Variants in ATP2B2 observed in about 807,000 individuals in gnomAD.
ATP2B2 encodes ATPase plasma membrane Ca2+ transporting 2, also known as plasma membrane calcium-transporting ATPase 2.
A neutral mutation model predicts 120.0 loss-of-function variants in ATP2B2; 15 were observed. That is an observed-to-expected ratio of 0.12 (90% CI 0.08 to 0.19). ATP2B2 has a LOEUF of 0.19. Ranked by LOEUF, ATP2B2 falls within the 10% of genes least tolerant of loss-of-function variation. The pLI is 1.00. For missense variants in ATP2B2, 1,045 were observed against 1,719.8 expected, an observed-to-expected ratio of 0.61 and a Z score of 6.94; for synonymous variants, 694 against 700.3, an observed-to-expected ratio of 0.99 and a Z score of 0.14.
At chr3:10,529,354 C>A (rs2125470973) in intron 3 of ATP2B2, among the ~76,000 whole-genome samples, 1 of 152,356 alleles carries the variant, frequency 6.6e-6, no homozygotes, top group East Asian at 1.9e-4. Context: ...CTGCCTGTAA[C>A]CACCTTGAAA....
chr3:10,384,285 C>A (rs939884298), intron 8 of ATP2B2, among the ~76,000 whole-genome samples: 1 of 152,100 alleles, frequency 6.6e-6, no homozygotes, highest in Admixed American at 6.5e-5. Context: ...GGATGAGAAA[C>A]CCACAGCCCA....
At chr3:10,455,580 T>C (rs1305018760) in intron 1 of ATP2B2, among the ~76,000 whole-genome samples, 1 of 152,180 alleles carries the variant, frequency 6.6e-6, no homozygotes, top group Non-Finnish European at 1.5e-5. Context: ...CCTGCTCCCC[T>C]CCTCCTAGTT....
At chr3:10,345,642 T>A in intron 17 of ATP2B2, 67 bp from the exon 18 acceptor site, 1 of 1,466,780 alleles carries the variant, frequency 6.8e-7, no homozygotes, top group Non-Finnish European at 9.5e-7. Flanking sequence ...AGCATCACCA[T>A]CCTCACTCCC....
chr3:10,545,346 A>G (rs1436091260), intron 2 of ATP2B2, among the ~76,000 whole-genome samples: 3 of 152,172 alleles, frequency 2.0e-5, no homozygotes, highest in Admixed American at 6.5e-5. Context: ...CCTGGCCAAC[A>G]TGGGGAAACT....
intron 1 of ATP2B2, among the ~76,000 whole-genome samples, chr3:10,683,848 A>G (rs1156830975): frequency 1.4e-5 from 2 of 141,418 alleles, no homozygotes; most frequent in Admixed American, 7.3e-5. Flanking sequence ...GCTGGAGTGC[A>G]GTGGCATGAT....
chr3:10,566,214 G>A (rs949861935), intron 2 of ATP2B2: 1 of 152,160 alleles, frequency 6.6e-6, no homozygotes, highest in African/African-American at 2.4e-5. Context: ...CCACTAGTTA[G>A]TGGGGAAACC....
At chr3:10,412,722 T>C (rs11712897) in intron 2 of ATP2B2, among the ~76,000 whole-genome samples, 52,560 of 152,072 alleles carry the variant, frequency 0.35, 11,462 homozygotes, top group African/African-American at 0.6. Flanking sequence ...CTGATTCCTG[T>C]CCCTCAGGGC....
rs149740945 is a variant in ATP2B2 at position 10,347,966 on chromosome 3, T to G, written c.2405-1829A>C. 2.8e-3 allele frequency among the ~76,000 whole-genome samples: 432 copies of G among 152,056 alleles called. 2 individuals carry two copies. The highest frequency in any genetic ancestry group is 9.9e-3 in the African/African-American group (412 of 41,462). On this transcript the variant is annotated intron_variant, in intron 16 of 22. Transcript: ENST00000360273. This position sits in a 1 kb window ranked among gnomAD's most constrained non-coding sequence, Gnocchi z 5.2. ...CCTCCACAGGCCTCCTTCCTTGTCT[T>G]CCCGGCACCACTCCCCACTGACCAT...
intron 2 of ATP2B2, among the ~76,000 whole-genome samples, chr3:10,442,303 C>T (rs986377697): frequency 9.9e-5 from 15 of 152,112 alleles, no homozygotes; most frequent in African/African-American, 2.9e-4. Context: ...CAAGCAGCAT[C>T]GCTCACGGGA....
chr3:10,338,814 G>A (rs2060199864), intron 21 of ATP2B2: 3 of 224,520 alleles, frequency 1.3e-5, no homozygotes, highest in Admixed American at 5.3e-5. Context: ...CGTCCTGCAT[G>A]AGCCTGGCCC....
intron 1 of ATP2B2, among the ~76,000 whole-genome samples, chr3:10,485,021 C>A (rs372421893): frequency 6.6e-6 from 1 of 152,248 alleles, no homozygotes; most frequent in South Asian, 2.1e-4. Flanking sequence ...ACGCAGACCC[C>A]CTCTGTGAAA....
chr3:10,606,386 G>GC (rs1382387938), intron 2 of ATP2B2, among the ~76,000 whole-genome samples: 1 of 152,178 alleles, frequency 6.6e-6, no homozygotes, highest in Admixed American at 6.5e-5. Flanking sequence ...ATGACTCTTA[G>GC]CAGAGTCCTT....
intron 2 of ATP2B2, among the ~76,000 whole-genome samples, chr3:10,576,889 C>T (rs1188619784): frequency 6.6e-6 from 1 of 151,748 alleles, no homozygotes; most frequent in Non-Finnish European, 1.5e-5. Flanking sequence ...ATGGTGAAAC[C>T]CCGTCTCTAC....
chr3:10,454,413 C>G (rs967063010), intron 1 of ATP2B2, among the ~76,000 whole-genome samples: 26 of 152,194 alleles, frequency 1.7e-4, no homozygotes, highest in African/African-American at 6.3e-4. Context: ...AGAAGGAAAA[C>G]AGTGTGAGCC....
intron 1 of ATP2B2, among the ~76,000 whole-genome samples, chr3:10,637,624 GAA>G (rs2070057695): frequency 6.6e-6 from 1 of 152,146 alleles, no homozygotes; most frequent in Non-Finnish European, 1.5e-5. Flanking sequence ...ATAAGAAACT[GAA>G]AAGAGTATCA....
intron 1 of ATP2B2, among the ~76,000 whole-genome samples, chr3:10,455,956 A>G (rs554364996): frequency 6.6e-6 from 1 of 152,346 alleles, no homozygotes; most frequent in Admixed American, 6.5e-5. Flanking sequence ...TTCTGACAAT[A>G]TTGGATTTAT....
chr3:10,681,381 G>A (rs535556718), intron 1 of ATP2B2, among the ~76,000 whole-genome samples: 1 of 152,160 alleles, frequency 6.6e-6, no homozygotes, highest in African/African-American at 2.4e-5. Context: ...GAACCTCCTC[G>A]TTTCCAAAGT....
At chr3:10,494,313 G>A (rs2066054216) in intron 1 of ATP2B2, among the ~76,000 whole-genome samples, 1 of 152,130 alleles carries the variant, frequency 6.6e-6, no homozygotes, top group African/African-American at 2.4e-5. Context: ...CTCCTTACAT[G>A]TAACTCATTT....
intron 6 of ATP2B2, 131 bp downstream of exon 6, chr3:10,388,146 G>A (rs2061736705): frequency 1.5e-6 from 2 of 1,353,582 alleles, no homozygotes; most frequent in South Asian, 1.2e-5. Flanking sequence ...TAAGGATGCA[G>A]GAGGTGGCTG....
Sources: gnomAD v4.1 joint callset for allele counts (sites outside exome capture counted in the v4.1 genomes callset) on GRCh38, gnomAD v4.1.1 for gene constraint, Gnocchi (gnomAD v3.1) non-coding constraint, MANE v1.5 for transcripts, NCBI Gene and HGNC (gene_info 2026-07-23, HGNC 2026-07-21) for gene names.